Variants in VPS4B observed in about 807,000 individuals in gnomAD.
VPS4B encodes the protein vacuolar protein sorting-associated protein 4B.
Under a neutral mutation model 56.1 loss-of-function variants are expected in VPS4B, and 23 were observed. The ratio of observed to expected loss-of-function variants is 0.41; its 90% CI spans 0.30 to 0.58. VPS4B has a LOEUF of 0.58. VPS4B is among the 20% of genes least tolerant of loss of function. The pLI, the probability that VPS4B is intolerant of heterozygous loss-of-function variation, is 0.29. For synonymous variants in VPS4B, 177 were observed against 186.0 expected, an observed-to-expected ratio of 0.95 and a Z score of 0.39; for missense variants, 372 against 531.9, an observed-to-expected ratio of 0.70 and a Z score of 2.96.
intron 4 of VPS4B, among the ~76,000 whole-genome samples, chr18:63,405,248 CT>C (rs1373334774): frequency 2.0e-5 from 3 of 152,060 alleles, no homozygotes; most frequent in African/African-American, 7.2e-5. Flanking sequence ...TTTATCCGGT[CT>C]TTGACTATAC....
intron 1 of VPS4B, among the ~76,000 whole-genome samples, chr18:63,412,651 AT>A (rs1916069482): frequency 1.3e-5 from 2 of 152,314 alleles, no homozygotes; most frequent in African/African-American, 4.8e-5. Flanking sequence ...TAACTCAAAA[AT>A]GGATCATAGA....
chr18:63,391,214 C>T (rs983698422), intron 10 of VPS4B, 138 bp from the exon 11 acceptor site: 16 of 595,732 alleles, frequency 2.7e-5, no homozygotes, highest in South Asian at 5.6e-5. Flanking sequence ...AAGATACTAA[C>T]GATAAACTCC....
rs147464516 is a variant in VPS4B at position 63,417,244 on chromosome 18, C to T, written c.27+4989G>A. Among the ~76,000 whole-genome samples the T allele has an allele frequency of 4.9e-4, 74 of 152,256 alleles. No individual in the cohort carries two copies. The East Asian group carries it at 0.012, about 24-fold the overall frequency. Reference sequence around the variant, plus strand: ...AAGTCTTATTTGACAAAACACTGTTCGGTGTTAGTTCTGTTTCTCTGCTAC... The same window carrying T: ...AAGTCTTATTTGACAAAACACTGTTTGGTGTTAGTTCTGTTTCTCTGCTAC... On this transcript the variant is annotated intron_variant, in intron 1 of 10. Transcript: ENST00000238497.
intron 1 of VPS4B, among the ~76,000 whole-genome samples, chr18:63,421,320 G>A (rs777834600): frequency 1.3e-5 from 2 of 152,100 alleles, no homozygotes; most frequent in Non-Finnish European, 2.9e-5. Context: ...ATGGGTTAAG[G>A]AGTTCTTCCA....
At chr18:63,404,011 A>AG (rs1490056370) in intron 4 of VPS4B, among the ~76,000 whole-genome samples, 185 bp from the exon 5 acceptor site, 1 of 152,202 alleles carries the variant, frequency 6.6e-6, no homozygotes, top group Admixed American at 6.5e-5. Context: ...ACTAGGAACC[A>AG]GGTGGATGAC....
chr18:63,409,153 G>C (rs1915978524), intron 3 of VPS4B, among the ~76,000 whole-genome samples: 1 of 152,156 alleles, frequency 6.6e-6, no homozygotes. Context: ...CATGTTCTTA[G>C]GGTGTCACAG....
intron 1 of VPS4B, among the ~76,000 whole-genome samples, chr18:63,413,797 A>C (rs750498737): frequency 1.4e-4 from 21 of 152,178 alleles, no homozygotes; most frequent in Non-Finnish European, 2.4e-4. Flanking sequence ...CATGGATTGG[A>C]TATAACTGGG....
rs1915530788 is a variant in VPS4B, at chr18:63,390,768, A to T, written c.*207T>A. The T allele has an allele frequency of 2.6e-6, 1 of 391,406 alleles. No homozygotes were observed. The highest frequency in any genetic ancestry group is 7.1e-4 in the Middle Eastern group (1 of 1,410). The allele number at this position is 391,406 out of a possible 1,614,324, so 24.2% of individuals were successfully genotyped here. A position where few individuals can be genotyped will look rare whatever the true frequency, so the allele number is the denominator to read the frequency against. ...TTCATATATCGCTCATTTCCTCATA[A>T]CCTGTTATTTTGTACCTTTTGTTAA... On this transcript the variant is annotated 3_prime_UTR_variant, in exon 11 of 11. Transcript: ENST00000238497.
intron 5 of VPS4B, among the ~76,000 whole-genome samples, chr18:63,401,917 C>T (rs770390811): frequency 7.9e-5 from 12 of 151,936 alleles, no homozygotes; most frequent in South Asian, 2.1e-4. Flanking sequence ...TGCTTGAACT[C>T]GGGAGGTGGA....
intron 1 of VPS4B, among the ~76,000 whole-genome samples, chr18:63,417,498 C>G (rs1599368031): frequency 2.0e-5 from 3 of 152,138 alleles, no homozygotes; most frequent in East Asian, 3.9e-4. Context: ...TCTGGCTCCT[C>G]CTTCTCAGCG....
chr18:63,407,822 TCA>T (rs1362624035), intron 3 of VPS4B, among the ~76,000 whole-genome samples: 2 of 152,148 alleles, frequency 1.3e-5, no homozygotes, highest in Non-Finnish European at 2.9e-5. Context: ...TCAAGATGAA[TCA>T]CAGGAGAGCT....
intron 3 of VPS4B, among the ~76,000 whole-genome samples, chr18:63,407,959 C>T (rs143271821): frequency 2.0e-3 from 308 of 152,218 alleles, no homozygotes; most frequent in Non-Finnish European, 3.4e-3. Flanking sequence ...TCTGGGGATT[C>T]CAAAGGACAG....
At chr18:63,407,855 C>T (rs1446400851) in intron 3 of VPS4B, among the ~76,000 whole-genome samples, 1 of 152,092 alleles carries the variant, frequency 6.6e-6, no homozygotes, top group East Asian at 1.9e-4. Flanking sequence ...ACAGTAAAAA[C>T]ATCAGGACTG....
chr18:63,422,205 T>C (rs374500861), intron 1 of VPS4B, 28 bp downstream of exon 1: 20 of 1,476,048 alleles, frequency 1.4e-5, no homozygotes, highest in Non-Finnish European at 1.7e-5. Context: ...CCCAGCTCCC[T>C]AGGGGGACGG....
intron 4 of VPS4B, among the ~76,000 whole-genome samples, chr18:63,405,758 G>C (rs9967289): frequency 0.017 from 2,511 of 151,696 alleles, 61 homozygotes; most frequent in African/African-American, 0.058. Flanking sequence ...AGGAGTTCGA[G>C]AGCAGCCTGG....
chr18:63,393,032 T>C (rs2144409500), intron 10 of VPS4B, among the ~76,000 whole-genome samples: 1 of 152,228 alleles, frequency 6.6e-6, no homozygotes, highest in East Asian at 1.9e-4. Flanking sequence ...AGGTGACTTC[T>C]GGTTATTTTA....
At chr18:63,421,657 G>A (rs1253550062) in intron 1 of VPS4B, among the ~76,000 whole-genome samples, 2 of 152,158 alleles carry the variant, frequency 1.3e-5, no homozygotes, top group African/African-American at 4.8e-5. Context: ...GTAGAGGAGG[G>A]GAAGTGGAGC....
chr18:63,407,228 T>C (rs748152944), intron 4 of VPS4B: 5 of 521,342 alleles, frequency 9.6e-6, no homozygotes, highest in African/African-American at 1.9e-5. Flanking sequence ...ACAAAACTAT[T>C]ACATAAAAAA....
At chr18:63,400,024 G>GAA in intron 7 of VPS4B, 24 bp downstream of exon 7, 5 of 1,502,144 alleles carry the variant, frequency 3.3e-6, no homozygotes, top group Admixed American at 3.9e-5. Context: ...GTCTCAAAAA[G>GAA]AAAAAAAAAA....
Sources: gnomAD v4.1 joint callset for allele counts (sites outside exome capture counted in the v4.1 genomes callset) on GRCh38, gnomAD v4.1.1 for gene constraint, MANE v1.5 for transcripts, NCBI Gene and HGNC (gene_info 2026-07-23, HGNC 2026-07-21) for gene names.